The following ENTPD1 variants were observed in gnomAD, a reference collection of about 807,000 sequenced individuals.
ENTPD1 encodes ATP diphosphohydrolase.
Under a neutral mutation model 57.0 loss-of-function variants are expected in ENTPD1, and 33 were observed. The observed-to-expected ratio is 0.58, with a 90% CI of 0.44 to 0.77. The LOEUF is 0.77. Among genes scored for constraint, ENTPD1 ranks in the 30% least tolerant of loss-of-function variants. ENTPD1 has a pLI of 0.00. For missense variants in ENTPD1, 501 were observed against 603.4 expected, an observed-to-expected ratio of 0.83 and a Z score of 1.78; for synonymous variants, 202 against 218.8, an observed-to-expected ratio of 0.92 and a Z score of 0.68.
chr10:95,697,191 A>G, the ENTPD1 span, among the ~76,000 whole-genome samples: 33 of 151,910 alleles, frequency 2.2e-4, no homozygotes, highest in Non-Finnish European at 4.6e-4. Context: ...AGACAATTCT[A>G]TGAGTTATTG....
chr10:95,828,872 G>A lies in ENTPD1; in HGVS notation c.144+5508G>A, dbSNP rs186711867. ...ATTATAGGCACACGCCACCACACCC[G>A]GCTAATTTTTGTATTTTTACTAGAG... On this transcript the variant is annotated intron_variant, in intron 2 of 9. Transcript: ENST00000371205. 2.5e-3 allele frequency among the ~76,000 whole-genome samples: 378 copies of A among 152,082 alleles called. 6 individuals are homozygous for A. The highest frequency in any genetic ancestry group is 3.3e-3 in the East Asian group (17 of 5,176).
At chr10:95,753,412 A>G (rs1205992413), upstream of ENTPD1, 2 of 152,206 alleles carry the variant, frequency 1.3e-5, no homozygotes, top group African/African-American at 4.8e-5. Flanking sequence ...AAAGCATTAA[A>G]TGTTGTCAAA....
intron 1 of ENTPD1, among the ~76,000 whole-genome samples, chr10:95,741,837 A>G (rs1256457990): frequency 2.0e-5 from 3 of 152,154 alleles, no homozygotes; most frequent in Non-Finnish European, 2.9e-5. Context: ...AAAGTATAAA[A>G]ATTGCTATTA....
At chr10:95,749,884 T>C (rs6584022) in intron 1 of ENTPD1, among the ~76,000 whole-genome samples, 1 of 151,924 alleles carries the variant, frequency 6.6e-6, no homozygotes, top group Non-Finnish European at 1.5e-5. Flanking sequence ...ATTATTATAG[T>C]TTCTGGGTTG....
chr10:95,740,961 C>A (rs908093386), intron 1 of ENTPD1, among the ~76,000 whole-genome samples: 2 of 152,176 alleles, frequency 1.3e-5, no homozygotes, highest in Admixed American at 1.3e-4. Context: ...TCTATCCAGA[C>A]CTTTCAGACA....
At chr10:95,798,936 T>G (rs780742086) in intron 1 of ENTPD1, among the ~76,000 whole-genome samples, 2 of 152,210 alleles carry the variant, frequency 1.3e-5, no homozygotes, top group Non-Finnish European at 2.9e-5. Context: ...ACCACCTGCA[T>G]GTGAGCAAGA....
intron 1 of ENTPD1, among the ~76,000 whole-genome samples, chr10:95,760,969 A>C (rs2098058488): frequency 1.3e-5 from 2 of 151,542 alleles, no homozygotes; most frequent in Admixed American, 1.3e-4. Context: ...AGCTGGGACT[A>C]CAGGCGCCTG....
At chr10:95,827,340 AACT>A (rs1165462343) in intron 2 of ENTPD1, among the ~76,000 whole-genome samples, 1 of 152,012 alleles carries the variant, frequency 6.6e-6, no homozygotes, top group Admixed American at 6.6e-5. Context: ...CTATAGTCCC[AACT>A]ACTTGGGAGG....
At position 95,877,149 on chromosome 10, in the gene ENTPD1, A is replaced by G. The variant is rs2098486506; in HGVS notation, c.*10766A>G. Among the ~76,000 whole-genome samples, 1 of 152,224 alleles carries G rather than the reference A, an allele frequency of 6.6e-6. No homozygotes were observed. The highest frequency in any genetic ancestry group is 1.5e-5 in the Non-Finnish European group (1 of 68,034). ...TTGGTTATCTTATAGAGTCTCCTAG[A>G]ATATTTCATTGGCATTGAGAAGGTG... is the stretch of plus-strand genomic sequence containing the variant. On this transcript the variant is annotated 3_prime_UTR_variant, in exon 10 of 10. Transcript: ENST00000371205.
chr10:95,837,988 CACCCA>C, intron 2 of ENTPD1, among the ~76,000 whole-genome samples: 2 of 151,556 alleles, frequency 1.3e-5, no homozygotes, highest in African/African-American at 4.9e-5. Context: ...ACACACCACA[CACCCA>C]CACACACCCA....
chr10:95,809,909 G>A (rs1175553347), intron 1 of ENTPD1, among the ~76,000 whole-genome samples: 2 of 147,918 alleles, frequency 1.4e-5, no homozygotes, highest in Non-Finnish European at 3.0e-5. Context: ...TTCCCAGACG[G>A]GGCAGCTGCC....
chr10:95,805,753 T>G lies in ENTPD1; in HGVS notation c.17-17484T>G, dbSNP rs187196326. On this transcript the variant is annotated intron_variant, in intron 1 of 9. Coordinates refer to ENST00000371205, the MANE Select transcript of ENTPD1 (RefSeq NM_001776.6). ...TTTATTTCTCCTTCACTTATGAAGCTTAGTTTGGCTGGATAGGAAATTCTA... is the reference window on the plus strand; with the variant it reads ...TTTATTTCTCCTTCACTTATGAAGCGTAGTTTGGCTGGATAGGAAATTCTA... 1.0e-3 allele frequency among the ~76,000 whole-genome samples: 153 copies of G among 152,356 alleles called. 3 individuals carry two copies. The East Asian group carries it at 0.022, about 22-fold the overall frequency.
chr10:95,784,038 T>C (rs1401781747), intron 1 of ENTPD1, among the ~76,000 whole-genome samples: 1 of 151,782 alleles, frequency 6.6e-6, no homozygotes, highest in Non-Finnish European at 1.5e-5. Context: ...TCGATTACTA[T>C]ATCCTGCCTT....
chr10:95,790,717 GA>G (rs921437729), intron 1 of ENTPD1, among the ~76,000 whole-genome samples: 1 of 151,970 alleles, frequency 6.6e-6, no homozygotes, highest in Admixed American at 6.6e-5. Flanking sequence ...ACTTCAGTAT[GA>G]AAAAAATGTA....
chr10:95,810,942 G>A (rs1163886799), intron 1 of ENTPD1, among the ~76,000 whole-genome samples: 1 of 152,096 alleles, frequency 6.6e-6, no homozygotes, highest in Admixed American at 6.5e-5. Context: ...ATTTTGACAG[G>A]AACTAGATAC....
intron 7 of ENTPD1, 151 bp downstream of exon 7, chr10:95,847,857 C>T: frequency 8.9e-7 from 1 of 1,128,310 alleles, no homozygotes. Context: ...TCAACTATGT[C>T]AGAACTTGGG....
rs942320905 is a variant in ENTPD1 at position 95,864,762 on chromosome 10, G to C, written c.1227G>C (p.Leu409=). ...TSYAGVKEKY[L]SEYCFSGTYI... The stretch of plus-strand genomic sequence containing the variant: ...ACGCTGGAGTAAAGGAGAAGTACCT[G>C]AGTGAATACTGCTTTTCTGGTACCT... Residue 409 remains leucine, a synonymous_variant, in exon 9 of 10, where the codon CTG becomes CTC. Coordinates refer to ENST00000371205, the MANE Select transcript of ENTPD1 (RefSeq NM_001776.6). 6.2e-7 allele frequency: 1 copy of C among 1,614,156 alleles called. No individual in the cohort carries two copies. Among genetic ancestry groups the C allele is most frequent in the Non-Finnish European group, 8.5e-7 (1 of 1,180,032 alleles).
chr10:95,835,942 C>T (rs1400200415), intron 2 of ENTPD1, among the ~76,000 whole-genome samples: 1 of 152,012 alleles, frequency 6.6e-6, no homozygotes, highest in Admixed American at 6.6e-5. Flanking sequence ...TCTTTTATGA[C>T]TTTTATAGTT....
rs113144749 is a variant in ENTPD1 at position 95,842,694 on chromosome 10, T to TA, written c.413+210dup. On this transcript the variant is annotated intron_variant, in intron 4 of 9. Transcript: ENST00000371205. ...TATAGGGGTAGGATTTTATGTATGT[T>TA]AAAAAAAAAAGCCCCCTTGTGCATC... Among the ~76,000 whole-genome samples the TA allele has an allele frequency of 4.1e-3, 608 of 149,122 alleles. 4 individuals are homozygous for TA. The highest frequency in any genetic ancestry group is 0.012 in the African/African-American group (508 of 40,862).
Sources: gnomAD v4.1 joint callset for allele counts (sites outside exome capture counted in the v4.1 genomes callset) on GRCh38, gnomAD v4.1.1 for gene constraint, MANE v1.5 for transcripts, NCBI Gene and HGNC (gene_info 2026-07-23, HGNC 2026-07-21) for gene names.